CAT: variants seen among roughly 807,000 people sequenced by gnomAD.
CAT encodes the protein catalase, also known as epididymis secretory sperm binding protein.
In CAT, 43 loss-of-function variants were observed where a neutral mutation model predicts 59.0. The ratio of observed to expected loss-of-function variants is 0.73; its 90% CI spans 0.57 to 0.94. The LOEUF (loss-of-function observed/expected upper bound fraction) is 0.94. Ranked by LOEUF, CAT falls within the 40% of genes least tolerant of loss-of-function variation. CAT has a pLI of 0.00. For synonymous variants in CAT, 218 were observed against 230.9 expected, an observed-to-expected ratio of 0.94 and a Z score of 0.51; for missense variants, 664 against 682.9, an observed-to-expected ratio of 0.97 and a Z score of 0.31.
intron 6 of CAT, among the ~76,000 whole-genome samples, chr11:34,454,807 A>G (rs1856570075): frequency 6.6e-6 from 1 of 152,224 alleles, no homozygotes; most frequent in Non-Finnish European, 1.5e-5. Context: ...CAGCCAGTCT[A>G]GTTGGTAGCC....
intron 1 of CAT, among the ~76,000 whole-genome samples, chr11:34,447,480 C>T (rs896655730): frequency 7.2e-5 from 11 of 152,202 alleles, no homozygotes; most frequent in Middle Eastern, 3.4e-3. Flanking sequence ...CGTATTAGCA[C>T]GTCACAGAGG....
chr11:34,466,745 C>T (rs1296556157), intron 10 of CAT, among the ~76,000 whole-genome samples: 3 of 128,876 alleles, frequency 2.3e-5, no homozygotes, highest in African/African-American at 3.0e-5. Flanking sequence ...CGCGCCACTG[C>T]ACTCCAGCCT....
At chr11:34,455,056 T>G (rs2133184879) in intron 6 of CAT, among the ~76,000 whole-genome samples, 1 of 152,364 alleles carries the variant, frequency 6.6e-6, no homozygotes, top group South Asian at 2.1e-4. Context: ...AAGATTATTC[T>G]TTTCTAAACC....
At chr11:34,469,735 G>A (rs1020651234) in intron 11 of CAT, among the ~76,000 whole-genome samples, 4 of 151,448 alleles carry the variant, frequency 2.6e-5, no homozygotes, top group African/African-American at 9.7e-5. Context: ...GCATGATCTC[G>A]GCTCACTGCA....
Position 34,453,868 on chromosome 11 carries a change from A to T in CAT, c.653A>T (p.His218Leu). The T allele has an allele frequency of 6.2e-7, 1 of 1,613,882 alleles. No homozygotes were observed. The highest frequency in any genetic ancestry group is 8.5e-7 in the Non-Finnish European group (1 of 1,179,744). Residue 218 changes from histidine to leucine, a missense_variant, in exon 6 of 13, where the codon CAT (histidine) becomes CTT (leucine). Coordinates refer to ENST00000241052, the MANE Select transcript of CAT (RefSeq NM_001752.4). ...GHRHMNGYGS[H>L]TFKLVNANGE... is the part of the protein sequence containing the mutation. ...CGCCACATGAATGGATATGGATCAC[A>T]TACTTTCAAGCTGGTTAATGCAAAT...
chr11:34,457,816 T>G (rs2133186925), intron 8 of CAT, among the ~76,000 whole-genome samples: 1 of 152,320 alleles, frequency 6.6e-6, no homozygotes, highest in Non-Finnish European at 1.5e-5. Context: ...GTACCCTAAA[T>G]CAGACCACAG....
At position 34,461,267 on chromosome 11, in the gene CAT, A is replaced by G. The variant is rs1856646917; in HGVS notation, c.1073A>G (p.Tyr358Cys). The part of the protein sequence containing the change: ...DKMLQGRLFA[Y>C]PDTHRHRLGP... ...TTACTGCAGGGCCGCCTTTTTGCCT[A>G]TCCTGACACTCACCGCCATCGCCTG... The change falls in exon 9 of 13, where the codon TAT becomes TGT. Residue 358 changes from tyrosine (Y) to cysteine (C), a missense_variant. By Grantham distance (194) the Tyr-to-Cys change is radical. Coordinates refer to ENST00000241052, the MANE Select transcript of CAT (RefSeq NM_001752.4). 1 of 1,614,232 alleles carries G rather than the reference A, an allele frequency of 6.2e-7. No individual in the cohort carries two copies. The highest frequency in any genetic ancestry group is 8.5e-7 in the Non-Finnish European group (1 of 1,180,034).
chr11:34,466,705 C>T (rs1449887583), intron 10 of CAT, among the ~76,000 whole-genome samples: 20 of 137,092 alleles, frequency 1.5e-4, no homozygotes, highest in East Asian at 2.5e-4. Flanking sequence ...GGCGTGAACC[C>T]GGGAGGCGGA....
At position 34,471,648 on chromosome 11, in the gene CAT, ATTTGT is replaced by A. The variant is rs1856774793; in HGVS notation, c.*220_*224del. ...GATTTAACAGTCATTTAAAAAAAAA[ATTTGT>A]TTTGACGGATGATTGGATTATTCAT... is the stretch of plus-strand genomic sequence containing the variant. On this transcript the variant is annotated 3_prime_UTR_variant, in exon 13 of 13. Transcript: ENST00000241052. 9.8e-5 allele frequency: 55 copies of A among 560,164 alleles called. No individual in the cohort carries two copies. The South Asian group carries it at 1.1e-3, about 12-fold the overall frequency. The allele number at this position is 560,164 out of a possible 1,614,324, so 34.7% of individuals were successfully genotyped here. A position where few individuals can be genotyped will look rare whatever the true frequency, so the allele number is the denominator to read the frequency against.
In CAT at chr11:34,439,078, A is replaced by G. The variant is rs1340127736; in HGVS notation, c.65A>G (p.Gln22Arg). ...MQHWKEQRAA[Q>R]KADVLTTGAG... Reference sequence around the variant, plus strand: ...CACTGGAAGGAGCAGCGGGCCGCGCAGGTACACTCTGTGCTCCCCGAGCGG... The same window carrying G: ...CACTGGAAGGAGCAGCGGGCCGCGCGGGTACACTCTGTGCTCCCCGAGCGG... Residue 22 changes from glutamine to arginine, a missense_variant and splice_region_variant, in exon 1 of 13, where the codon CAG becomes CGG. Coordinates refer to ENST00000241052, the MANE Select transcript of CAT (RefSeq NM_001752.4). 1.9e-6 allele frequency: 3 copies of G among 1,587,908 alleles called. No homozygotes were observed. Among genetic ancestry groups the G allele is most frequent in the Non-Finnish European group, 1.7e-6 (2 of 1,167,164 alleles).
chr11:34,443,310 C>A (rs1410423022), intron 1 of CAT, among the ~76,000 whole-genome samples: 1 of 152,224 alleles, frequency 6.6e-6, no homozygotes, highest in Non-Finnish European at 1.5e-5. Context: ...TTGGGCGTAT[C>A]TTCTGTGGTC....
chr11:34,445,436 C>T (rs1249206030), intron 1 of CAT, among the ~76,000 whole-genome samples: 1 of 117,744 alleles, frequency 8.5e-6, no homozygotes, highest in African/African-American at 3.3e-5. Context: ...GTGGAGGTTA[C>T]AGTGAGCTGA....
At chr11:34,457,720 G>C (rs1856608217) in intron 8 of CAT, among the ~76,000 whole-genome samples, 1 of 152,152 alleles carries the variant, frequency 6.6e-6, no homozygotes, top group Non-Finnish European at 1.5e-5. Flanking sequence ...ATCAGAATCA[G>C]TAAGAAAATA....
chr11:34,456,764 G>C lies in CAT; in HGVS notation c.1003G>C (p.Asp335His). ...YFAEVEQIAF[D>H]PSNMPPGIEA... The stretch of plus-strand genomic sequence containing the variant: ...TGCTGAGGTTGAACAGATAGCCTTC[G>C]ACCCAAGCAACATGCCACCTGGCAT... The change falls in exon 8 of 13, where the codon GAC (aspartate) becomes CAC (histidine). Residue 335 changes from aspartate to histidine, a missense_variant. Transcript: ENST00000241052. The C allele has an allele frequency of 1.2e-6, 2 of 1,614,148 alleles. No homozygotes were observed. Among genetic ancestry groups the C allele is most frequent in the Non-Finnish European group, 1.7e-6 (2 of 1,180,010 alleles).
chr11:34,445,495 C>CAAAAAA lies in CAT; in HGVS notation c.67-3675_67-3670dup, dbSNP rs58169234. On this transcript the variant is annotated intron_variant, in intron 1 of 12. Coordinates refer to ENST00000241052, the MANE Select transcript of CAT (RefSeq NM_001752.4). ...TGGGCAATAGAGCGAGACTCCATCT[C>CAAAAAA]AAAAAAAAAAAAAAAAAAAAAAAAA... Among the ~76,000 whole-genome samples, 105 of 36,350 alleles carry CAAAAAA rather than the reference C, an allele frequency of 2.9e-3. 7 individuals are homozygous for CAAAAAA. Among genetic ancestry groups the CAAAAAA allele is most frequent in the African/African-American group, 5.1e-3 (41 of 8,110 alleles). 23.8% of individuals were successfully genotyped at this position (36,350 alleles called of 152,430 possible).
chr11:34,470,570 A>G (rs1159507179), intron 11 of CAT: 3 of 282,008 alleles, frequency 1.1e-5, no homozygotes, highest in South Asian at 3.8e-5. Flanking sequence ...TCAGGAATCT[A>G]TGTAGGCCCC....
At position 34,461,382 on chromosome 11, in the gene CAT, C is replaced by T. The variant is rs1161112503; in HGVS notation, c.1188C>T (p.Asp396=). The change falls in exon 9 of 13, where the codon GAC becomes GAT. Residue 396 remains aspartate, a synonymous_variant. Coordinates refer to ENST00000241052, the MANE Select transcript of CAT (RefSeq NM_001752.4). ...YQRDGPMCMQ[D]NQGGAPNYYP... is the part of the protein sequence containing the mutation. ...GTGACGGCCCGATGTGCATGCAGGA[C>T]AATCAGGGTAGGCCTAAAGACGTTG... 3 of 1,614,196 alleles carry T rather than the reference C, an allele frequency of 1.9e-6. No homozygotes were observed. The Admixed American group carries it at 5.0e-5, about 27-fold the overall frequency.
At chr11:34,470,853 C>T (rs1372177175) in intron 11 of CAT, 105 bp from the exon 12 acceptor site, 6 of 925,456 alleles carry the variant, frequency 6.5e-6, no homozygotes, top group African/African-American at 1.6e-5. Flanking sequence ...CCTGCTGAAA[C>T]GTCTTTCCTC....
At chr11:34,460,086 A>G (rs998140476) in intron 8 of CAT, among the ~76,000 whole-genome samples, 9 of 152,192 alleles carry the variant, frequency 5.9e-5, no homozygotes, top group Non-Finnish European at 1.5e-5. Context: ...TGCCTCATAG[A>G]ATTAGGGATA....
Sources: gnomAD v4.1 joint callset for allele counts (sites outside exome capture counted in the v4.1 genomes callset) on GRCh38, gnomAD v4.1.1 for gene constraint, MANE v1.5 for transcripts, NCBI Gene and HGNC (gene_info 2026-07-23, HGNC 2026-07-21) for gene names.